Variants in SNX29 observed in about 807,000 individuals in gnomAD.
SNX29 encodes sorting nexin 29.
Under a neutral mutation model 102.1 loss-of-function variants are expected in SNX29, and 78 were observed. The observed-to-expected ratio is 0.76, with a 90% CI of 0.64 to 0.92. The LOEUF (loss-of-function observed/expected upper bound fraction) is 0.92, where lower values mean the gene tolerates loss of function less well. Among genes scored for constraint, SNX29 ranks in the 40% least tolerant of loss-of-function variants. SNX29 has a pLI of 0.00. For synonymous variants in SNX29, 580 were observed against 414.5 expected, an observed-to-expected ratio of 1.40 and a Z score of -4.85; for missense variants, 1,280 against 1,061.7, an observed-to-expected ratio of 1.21 and a Z score of -2.86.
intron 3 of SNX29, among the ~76,000 whole-genome samples, chr16:12,005,330 C>G (rs2056418021): frequency 3.9e-5 from 6 of 152,134 alleles, no homozygotes; most frequent in Admixed American, 3.9e-4. Flanking sequence ...GATCCTGTGT[C>G]TAAGTCCTGT....
chr16:12,123,894 G>A lies in SNX29; in HGVS notation c.1403-2739G>A, dbSNP rs562819394. On this transcript the variant is annotated intron_variant, in intron 11 of 20. Transcript: ENST00000566228. ...TTGAACAGTACAGAAGTGGGTGGGTGTGGCCGTGTTTGGGGAAAGCTTTAC... is the reference window on the plus strand; with the variant it reads ...TTGAACAGTACAGAAGTGGGTGGGTATGGCCGTGTTTGGGGAAAGCTTTAC... Among the ~76,000 whole-genome samples the A allele has an allele frequency of 1.1e-4, 16 of 152,316 alleles. 1 individual carries two copies. The South Asian group carries it at 2.9e-3, about 28-fold the overall frequency.
intron 18 of SNX29, among the ~76,000 whole-genome samples, chr16:12,418,517 C>CTT (rs1247546247): frequency 9.6e-6 from 1 of 104,286 alleles, no homozygotes; most frequent in Non-Finnish European, 2.3e-5. Flanking sequence ...TCTGGGTTTT[C>CTT]TTTTCTTTTT....
At chr16:12,196,788 T>A (rs60866545) in intron 13 of SNX29, among the ~76,000 whole-genome samples, 33,060 of 151,884 alleles carry the variant, frequency 0.22, 4,687 homozygotes, top group Admixed American at 0.38. Context: ...GCCCAGCTAA[T>A]TTTTGTATTT....
In SNX29 at chr16:12,570,209, C is replaced by A. The variant is rs1266429509; in HGVS notation, c.*1580C>A. 1 of 1,065,142 alleles carries A rather than the reference C, an allele frequency of 9.4e-7. No homozygotes were observed. The allele number at this position is 1,065,142 out of a possible 1,614,324, so 66.0% of individuals were successfully genotyped here. A position where few individuals can be genotyped will look rare whatever the true frequency, so the allele number is the denominator to read the frequency against. ...CAGCCTACATGACTTCCAAGGGGAC[C>A]TGGGGCCAGATAAGCCCTGCCCCGG... On this transcript the variant is annotated 3_prime_UTR_variant, in exon 21 of 21. Transcript: ENST00000566228.
intron 16 of SNX29, among the ~76,000 whole-genome samples, chr16:12,363,112 A>T (rs1463970131): frequency 6.6e-6 from 1 of 152,146 alleles, no homozygotes; most frequent in Non-Finnish European, 1.5e-5. Context: ...AGAAGGGAGG[A>T]GCAAGTAAAA....
intron 3 of SNX29, among the ~76,000 whole-genome samples, chr16:12,021,407 C>T (rs994723100): frequency 2.4e-4 from 36 of 149,292 alleles, no homozygotes; most frequent in African/African-American, 8.9e-4. Flanking sequence ...TTTTGGGCAA[C>T]AGAGCGAGAC....
At chr16:12,529,006 A>G (rs963317335) in intron 20 of SNX29, among the ~76,000 whole-genome samples, 2 of 152,220 alleles carry the variant, frequency 1.3e-5, no homozygotes, top group Non-Finnish European at 2.9e-5. Flanking sequence ...ATTCCATTTG[A>G]CGTGTCCATA....
chr16:12,119,069 A>G (rs1270799666), intron 11 of SNX29, among the ~76,000 whole-genome samples: 1 of 152,186 alleles, frequency 6.6e-6, no homozygotes, highest in African/African-American at 2.4e-5. Flanking sequence ...GATCTCTTGG[A>G]CCTGTGTGGT....
chr16:12,252,873 T>C (rs1268830335), intron 14 of SNX29, among the ~76,000 whole-genome samples: 1 of 152,256 alleles, frequency 6.6e-6, no homozygotes, highest in Non-Finnish European at 1.5e-5. Flanking sequence ...TCCAGCTGTC[T>C]AATTGCTCAT....
chr16:12,147,696 C>G (rs114727521), intron 13 of SNX29, among the ~76,000 whole-genome samples: 2,862 of 152,268 alleles, frequency 0.019, 62 homozygotes, highest in African/African-American at 0.049. Flanking sequence ...CTCTTTGCCT[C>G]CGGAGAGGCA....
intron 17 of SNX29, among the ~76,000 whole-genome samples, chr16:12,399,778 G>T (rs971453868): frequency 6.6e-6 from 1 of 152,118 alleles, no homozygotes; most frequent in South Asian, 2.1e-4. Flanking sequence ...GGCTGAGGTG[G>T]GTGAGAGGTG....
At chr16:12,408,187 A>AAAG (rs2084253043) in intron 18 of SNX29, among the ~76,000 whole-genome samples, 1 of 151,604 alleles carries the variant, frequency 6.6e-6, no homozygotes, top group African/African-American at 2.4e-5. Context: ...CAAAAAAAAA[A>AAAG]CTAGAAGCAG....
intron 19 of SNX29, among the ~76,000 whole-genome samples, chr16:12,498,601 G>A (rs2088948533): frequency 6.6e-6 from 1 of 152,126 alleles, no homozygotes; most frequent in Non-Finnish European, 1.5e-5. Context: ...ACAGTTAAGG[G>A]CTCTGTTTGC....
intron 19 of SNX29, among the ~76,000 whole-genome samples, chr16:12,497,117 A>T (rs754262094): frequency 6.6e-6 from 1 of 152,224 alleles, no homozygotes; most frequent in Non-Finnish European, 1.5e-5. Context: ...TCCAGGACCA[A>T]TGACTTCAGA....
chr16:12,113,385 C>T (rs529157580), intron 11 of SNX29, among the ~76,000 whole-genome samples: 4 of 152,138 alleles, frequency 2.6e-5, no homozygotes, highest in Non-Finnish European at 4.4e-5. Flanking sequence ...GACTACATGG[C>T]TCCTGTGTTC....
intron 13 of SNX29, among the ~76,000 whole-genome samples, chr16:12,146,501 A>G (rs540134071): frequency 3.3e-5 from 5 of 152,224 alleles, no homozygotes; most frequent in East Asian, 1.9e-4. Context: ...CTTGACCTCA[A>G]GTGATCCACC....
At chr16:12,470,308 G>A (rs1438844600) in intron 18 of SNX29, among the ~76,000 whole-genome samples, 2 of 152,230 alleles carry the variant, frequency 1.3e-5, no homozygotes, top group African/African-American at 2.4e-5. Flanking sequence ...TTCCACGTTC[G>A]CTGTGTGTCA....
At chr16:12,543,540 G>C (rs925028318) in intron 20 of SNX29, among the ~76,000 whole-genome samples, 1 of 152,174 alleles carries the variant, frequency 6.6e-6, no homozygotes, top group Non-Finnish European at 1.5e-5. Flanking sequence ...CTTTGGCCCA[G>C]ACTTCCACGC....
intron 18 of SNX29, among the ~76,000 whole-genome samples, chr16:12,463,819 T>A (rs935722252): frequency 4.8e-5 from 5 of 104,528 alleles, no homozygotes; most frequent in Non-Finnish European, 7.2e-5. Context: ...CCGAAGTGAG[T>A]GTGTGTGTGT....
Sources: gnomAD v4.1 joint callset for allele counts (sites outside exome capture counted in the v4.1 genomes callset) on GRCh38, gnomAD v4.1.1 for gene constraint, MANE v1.5 for transcripts, NCBI Gene and HGNC (gene_info 2026-07-23, HGNC 2026-07-21) for gene names.